The following CTTNBP2 variants were observed in gnomAD, a reference collection of about 807,000 sequenced individuals.
CTTNBP2 encodes the protein cortactin-binding protein 2.
CTTNBP2 carries 108 observed loss-of-function variants against 156.9 expected under a neutral mutation model. That is an observed-to-expected ratio of 0.69 (90% CI 0.59 to 0.81). CTTNBP2 has a LOEUF of 0.81. Among genes scored for constraint, CTTNBP2 ranks in the 30% least tolerant of loss-of-function variants. The probability of loss-of-function intolerance (pLI) is 0.00; values close to 1 mark genes in which losing one functional copy is unlikely to be tolerated. For missense variants in CTTNBP2, 1,924 were observed against 2,035.4 expected (o/e 0.95, Z 1.05); for synonymous variants, 767 against 751.8 (o/e 1.02, Z -0.33).
chr7:117,825,190 C>A (rs1231977325), intron 2 of CTTNBP2, among the ~76,000 whole-genome samples: 1 of 152,186 alleles, frequency 6.6e-6, no homozygotes, highest in Non-Finnish European at 1.5e-5. Context: ...GACAAATGGG[C>A]TCCTAGACAG....
At chr7:117,808,012 A>C (rs1251013132) in intron 3 of CTTNBP2, among the ~76,000 whole-genome samples, 1 of 152,174 alleles carries the variant, frequency 6.6e-6, no homozygotes, top group African/African-American at 2.4e-5. Context: ...TCACCTATTT[A>C]TATTGCGCTG....
intron 14 of CTTNBP2, among the ~76,000 whole-genome samples, chr7:117,736,925 T>C (rs1007612168): frequency 1.3e-5 from 2 of 152,214 alleles, no homozygotes; most frequent in Non-Finnish European, 2.9e-5. Context: ...TTTACAAATA[T>C]TCATGATAGT....
intron 9 of CTTNBP2, among the ~76,000 whole-genome samples, chr7:117,766,035 C>T (rs17140401): frequency 0.28 from 41,823 of 152,060 alleles, 10,762 homozygotes; most frequent in African/African-American, 0.68. Context: ...ATTCCTTCTA[C>T]TTTTAAATGT....
chr7:117,726,976 T>C (rs1324286923), intron 17 of CTTNBP2, among the ~76,000 whole-genome samples: 1 of 152,126 alleles, frequency 6.6e-6, no homozygotes, highest in Non-Finnish European at 1.5e-5. Context: ...AAAGACTATA[T>C]TCCATATAGG....
intron 2 of CTTNBP2, among the ~76,000 whole-genome samples, chr7:117,842,816 A>G (rs6466626): frequency 6.6e-6 from 1 of 152,032 alleles, no homozygotes; most frequent in Non-Finnish European, 1.5e-5. Context: ...ATATTTAACA[A>G]GGAAAATTTG....
intron 2 of CTTNBP2, among the ~76,000 whole-genome samples, chr7:117,831,890 C>T (rs1477641679): frequency 6.6e-6 from 1 of 152,136 alleles, no homozygotes; most frequent in African/African-American, 2.4e-5. Flanking sequence ...TTGCCCCTCT[C>T]TAAGGTTATT....
At chr7:117,804,246 A>G (rs764098744) in intron 3 of CTTNBP2, among the ~76,000 whole-genome samples, 2 of 152,168 alleles carry the variant, frequency 1.3e-5, no homozygotes, top group Non-Finnish European at 1.5e-5. Context: ...TACAAGTGTG[A>G]GCCACTGCAC....
Position 117,872,055 on chromosome 7 carries a change from T to C in CTTNBP2, c.81+1280A>G, listed in dbSNP as rs1179714378. On this transcript the variant is annotated intron_variant, in intron 1 of 22. Coordinates refer to ENST00000160373, the MANE Select transcript of CTTNBP2 (RefSeq NM_033427.3). ...GAAATCTTAAAGTTCTCATTTTCTA[T>C]GCAAAGAATGGAAACTCAATTTTCC... 8 of 780,586 alleles carry C rather than the reference T, an allele frequency of 1.0e-5. No homozygotes were observed. The East Asian group carries it at 9.0e-4, about 87-fold the overall frequency. 48.4% of individuals were successfully genotyped at this position (780,586 alleles called of 1,614,324 possible).
chr7:117,818,849 T>C (rs148704468), intron 2 of CTTNBP2, among the ~76,000 whole-genome samples: 127 of 152,322 alleles, frequency 8.3e-4, no homozygotes, highest in African/African-American at 3.0e-3. Context: ...AATAAAATTA[T>C]GGCTAATATA....
chr7:117,735,289 C>T lies in CTTNBP2; in HGVS notation c.3668G>A (p.Ser1223Asn), dbSNP rs1220946289. 1.2e-6 allele frequency: 2 copies of T among 1,613,898 alleles called. No individual in the cohort carries two copies. Among genetic ancestry groups the T allele is most frequent in the African/African-American group, 2.7e-5 (2 of 74,918 alleles). The change falls in exon 15 of 23, where the codon AGC becomes AAC. Residue 1223 changes from serine to asparagine, a missense_variant. Transcript: ENST00000160373. Reference protein sequence around the residue: ...LAPLENRSTESPCTFQKGNGL... With the variant: ...LAPLENRSTENPCTFQKGNGL... ...GTTACCTTTTTGGAAAGTGCAGGGG[C>T]TTTCAGTGCTGCGATTTTCAAGAGG...
At chr7:117,751,013 T>C (rs1477018913) in intron 12 of CTTNBP2, among the ~76,000 whole-genome samples, 1 of 152,238 alleles carries the variant, frequency 6.6e-6, no homozygotes, top group Non-Finnish European at 1.5e-5. Context: ...TTATCACAAT[T>C]GGTACCAATC....
At chr7:117,819,729 C>T (rs1413470453) in intron 2 of CTTNBP2, among the ~76,000 whole-genome samples, 1 of 152,102 alleles carries the variant, frequency 6.6e-6, no homozygotes, top group East Asian at 1.9e-4. Flanking sequence ...AGCTTTTCCT[C>T]TTCCCTCTCA....
chr7:117,830,617 G>A (rs1293412742), intron 2 of CTTNBP2, among the ~76,000 whole-genome samples: 1 of 152,204 alleles, frequency 6.6e-6, no homozygotes, highest in Non-Finnish European at 1.5e-5. Flanking sequence ...CCTTAGAGCT[G>A]ATATATTATT....
At chr7:117,794,811 T>C (rs1239922992) in intron 3 of CTTNBP2, among the ~76,000 whole-genome samples, 1 of 151,762 alleles carries the variant, frequency 6.6e-6, no homozygotes, top group Non-Finnish European at 1.5e-5. Flanking sequence ...TTGGGAGTAA[T>C]TCATAAGTAG....
At chr7:117,719,441 T>G (rs1794654490) in intron 21 of CTTNBP2, 63 bp downstream of exon 21, 1 of 1,450,122 alleles carries the variant, frequency 6.9e-7, no homozygotes, top group Non-Finnish European at 9.3e-7. Flanking sequence ...GGAATTGTGG[T>G]CCCCCAAAAG....
At chr7:117,752,035 A>G (rs1456561860) in intron 12 of CTTNBP2, among the ~76,000 whole-genome samples, 2 of 152,222 alleles carry the variant, frequency 1.3e-5, no homozygotes, top group East Asian at 3.8e-4. Context: ...CTTTCCTAAG[A>G]AAGATCAGAC....
chr7:117,840,446 A>G (rs1029575084), intron 2 of CTTNBP2, among the ~76,000 whole-genome samples: 1 of 152,002 alleles, frequency 6.6e-6, no homozygotes, highest in Non-Finnish European at 1.5e-5. Flanking sequence ...GGATCATTTG[A>G]GCCAAGGAGA....
intron 1 of CTTNBP2, among the ~76,000 whole-genome samples, chr7:117,862,989 C>T (rs1803873757): frequency 6.6e-6 from 1 of 152,170 alleles, no homozygotes; most frequent in Admixed American, 6.5e-5. Flanking sequence ...AAAATGGTAC[C>T]ATCCTGTCAG....
At position 117,760,523 on chromosome 7, in the gene CTTNBP2, T is replaced by C. The variant is rs755553168; in HGVS notation, c.3084A>G (p.Gly1028=). ...AAGTCACGTCTTCCAGACTCCACCA[T>C]CCATCAGAAGAGATTGCCTGGAAAT... ...TNHFQAISSD[G]WWSLEDVTCN... is the part of the protein sequence containing the mutation. The change falls in exon 10 of 23, where the codon GGA becomes GGG. Residue 1028 remains glycine, a synonymous_variant. Transcript: ENST00000160373. The C allele has an allele frequency of 1.2e-6, 2 of 1,614,132 alleles. No homozygotes were observed. Among genetic ancestry groups the C allele is most frequent in the Non-Finnish European group, 1.7e-6 (2 of 1,179,978 alleles).
Sources: allele counts gnomAD v4.1 joint callset (sites outside exome capture counted in the v4.1 genomes callset), GRCh38; gene constraint gnomAD v4.1.1; transcripts MANE v1.5; gene names NCBI Gene and HGNC (gene_info 2026-07-23, HGNC 2026-07-21).